Variants in RSF1 observed in about 807,000 individuals in gnomAD.
The protein encoded by RSF1 is HBV pX-associated protein 8.
RSF1 carries 13 observed loss-of-function variants against 145.2 expected under a neutral mutation model. The observed-to-expected ratio is 0.09, with a 90% CI of 0.06 to 0.14. The LOEUF is 0.14. Among genes scored for constraint, RSF1 ranks in the 10% least tolerant of loss-of-function variants. The pLI is 1.00. For missense variants in RSF1, 1,517 were observed against 1,718.2 expected, an observed-to-expected ratio of 0.88 and a Z score of 2.07; for synonymous variants, 577 against 592.6, an observed-to-expected ratio of 0.97 and a Z score of 0.38.
Position 77,685,104 on chromosome 11 carries a change from C to A in RSF1, c.2955+1G>T. ...AAAAACATTACAAATCAGAAACTTA[C>A]TTGTGGAGGAATGATGTTTTCAATA... On this transcript the variant is annotated splice_donor_variant, in intron 10 of 15. Coordinates refer to ENST00000308488, the MANE Select transcript of RSF1 (RefSeq NM_016578.4). LOFTEE classifies it high-confidence loss of function. The A allele has an allele frequency of 6.5e-7, 1 of 1,528,026 alleles. No individual in the cohort carries two copies. Among genetic ancestry groups the A allele is most frequent in the Admixed American group, 1.9e-5 (1 of 51,460 alleles). The allele number at this position is 1,528,026 out of a possible 1,614,324, so 94.7% of individuals were successfully genotyped here. A position where few individuals can be genotyped will look rare whatever the true frequency, so the allele number is the denominator to read the frequency against.
chr11:77,743,049 C>T (rs1947958601), intron 3 of RSF1, among the ~76,000 whole-genome samples: 2 of 152,088 alleles, frequency 1.3e-5, no homozygotes, highest in African/African-American at 2.4e-5. Flanking sequence ...AGCAACTGAC[C>T]ATCAATACAT....
At chr11:77,708,754 C>T (rs536089105) in intron 5 of RSF1, among the ~76,000 whole-genome samples, 1 of 152,312 alleles carries the variant, frequency 6.6e-6, no homozygotes, top group East Asian at 1.9e-4. Context: ...TGTCTCTCTC[C>T]CCCCTTTCAG....
chr11:77,808,626 C>T lies in RSF1; in HGVS notation c.187+11902G>A, dbSNP rs957089241. On this transcript the variant is annotated intron_variant, in intron 1 of 15. Coordinates refer to ENST00000308488, the MANE Select transcript of RSF1 (RefSeq NM_016578.4). ...TCGGCTCACTGCAAGCTCCGCCTCC[C>T]GGGTTCACGCCATTCTCCTGCCTCA... 6.4e-3 allele frequency among the ~76,000 whole-genome samples: 673 copies of T among 104,482 alleles called. 93 individuals are homozygous for T. Among genetic ancestry groups the T allele is most frequent in the African/African-American group, 0.029 (627 of 21,664 alleles). 68.5% of individuals were successfully genotyped at this position (104,482 alleles called of 152,430 possible).
chr11:77,739,002 ACTC>A (rs905331551), intron 4 of RSF1: 1 of 144,944 alleles, frequency 6.9e-6, no homozygotes, highest in Non-Finnish European at 1.5e-5. Context: ...TTTATCTTGA[ACTC>A]CTCTCATAAA....
At chr11:77,839,121 A>G in the RSF1 span, among the ~76,000 whole-genome samples, 4 of 152,250 alleles carry the variant, frequency 2.6e-5, no homozygotes, top group African/African-American at 9.6e-5. Context: ...AATTACTCAG[A>G]TACAGTTTCT....
chr11:77,781,625 G>A (rs1300576902), intron 1 of RSF1, among the ~76,000 whole-genome samples: 2 of 152,170 alleles, frequency 1.3e-5, no homozygotes, highest in Admixed American at 6.5e-5. Context: ...AAAAACACTT[G>A]AGGTGTCAGT....
chr11:77,783,540 C>A (rs1040887426), intron 1 of RSF1, among the ~76,000 whole-genome samples: 1 of 152,078 alleles, frequency 6.6e-6, no homozygotes, highest in Non-Finnish European at 1.5e-5. Flanking sequence ...TCATTTAGTA[C>A]TTTTGTAACA....
At chr11:77,789,316 T>C (rs1948492618) in intron 1 of RSF1, among the ~76,000 whole-genome samples, 2 of 152,310 alleles carry the variant, frequency 1.3e-5, no homozygotes, top group East Asian at 3.9e-4. Flanking sequence ...GAGCTTGTCC[T>C]GGGTTCCACA....
chr11:77,866,890 G>T, the RSF1 span, among the ~76,000 whole-genome samples: 1 of 151,832 alleles, frequency 6.6e-6, no homozygotes, highest in East Asian at 1.9e-4. Flanking sequence ...GCCCAGGCTG[G>T]AGTGTAGTGG....
chr11:77,757,269 T>C (rs972160781), intron 2 of RSF1, among the ~76,000 whole-genome samples: 2 of 152,170 alleles, frequency 1.3e-5, no homozygotes, highest in Non-Finnish European at 2.9e-5. Context: ...ATAAAGGTTT[T>C]TGGGATTGGC....
At chr11:77,771,831 A>G (rs1948288606) in intron 1 of RSF1, among the ~76,000 whole-genome samples, 1 of 152,224 alleles carries the variant, frequency 6.6e-6, no homozygotes, top group South Asian at 2.1e-4. Context: ...AGAGGGTATA[A>G]ATATGACTAT....
rs545924910 is a variant in RSF1 at position 77,663,435 on chromosome 11, C to T, written c.*3482G>A. The T allele has an allele frequency of 1.5e-4, 23 of 152,216 alleles. No homozygotes were observed. The highest frequency in any genetic ancestry group is 1.4e-3 in the Admixed American group (22 of 15,280). The allele number at this position is 152,216 out of a possible 1,614,324, so 9.4% of individuals were successfully genotyped here. A position where few individuals can be genotyped will look rare whatever the true frequency, so the allele number is the denominator to read the frequency against. On this transcript the variant is annotated 3_prime_UTR_variant, in exon 16 of 16. Transcript: ENST00000308488. ...GTAAAAACTGGGTACGTGTAACACCCTTTTAAAATTAATTTGTTTAAAAAT... is the reference window on the plus strand; with the variant it reads ...GTAAAAACTGGGTACGTGTAACACCTTTTTAAAATTAATTTGTTTAAAAAT...
At chr11:77,677,859 T>C (rs1959749567) in intron 12 of RSF1, among the ~76,000 whole-genome samples, 1 of 152,254 alleles carries the variant, frequency 6.6e-6, no homozygotes, top group South Asian at 2.1e-4. Context: ...CAATGTTTTA[T>C]ATCAGCTTGT....
intron 1 of RSF1, among the ~76,000 whole-genome samples, chr11:77,789,070 G>C (rs1565181292): frequency 6.6e-6 from 1 of 152,038 alleles, no homozygotes; most frequent in Non-Finnish European, 1.5e-5. Context: ...AAAATGACAG[G>C]AAACATCTAC....
intron 11 of RSF1, among the ~76,000 whole-genome samples, chr11:77,680,130 A>G (rs968404591): frequency 1.1e-4 from 16 of 152,154 alleles, no homozygotes; most frequent in Admixed American, 4.6e-4. Flanking sequence ...CGGGCACACA[A>G]TGGATTAACA....
In RSF1 at chr11:77,665,980, T is replaced by C. The variant is rs945034460; in HGVS notation, c.*937A>G. ...TCTCTTCATGTATGTTATATATAGA[T>C]GTATTTTTTTCAAAATGATATTTCA... is the stretch of plus-strand genomic sequence containing the variant. On this transcript the variant is annotated 3_prime_UTR_variant, in exon 16 of 16. Coordinates refer to ENST00000308488, the MANE Select transcript of RSF1 (RefSeq NM_016578.4). 1.3e-5 allele frequency: 2 copies of C among 152,232 alleles called. No homozygotes were observed. The highest frequency in any genetic ancestry group is 2.9e-5 in the Non-Finnish European group (2 of 68,042). The allele number at this position is 152,232 out of a possible 1,614,324, so 9.4% of individuals were successfully genotyped here.
the RSF1 span, chr11:77,840,944 G>C: frequency 1.3e-5 from 6 of 461,338 alleles, no homozygotes; most frequent in South Asian, 8.4e-5. Flanking sequence ...CTTAATCCAT[G>C]TTGTGCTCCT....
chr11:77,672,291 G>T, intron 14 of RSF1, 61 bp from the exon 15 acceptor site: 1 of 1,366,416 alleles, frequency 7.3e-7, no homozygotes, highest in Non-Finnish European at 9.9e-7. Flanking sequence ...ATGTAGCTTA[G>T]GTTATAAAAA....
intron 2 of RSF1, among the ~76,000 whole-genome samples, chr11:77,749,277 T>C (rs57213033): frequency 0.02 from 3,096 of 152,212 alleles, 93 homozygotes; most frequent in African/African-American, 0.07. Flanking sequence ...AAACACTAAA[T>C]TGTTTAAACG....
Sources: gnomAD v4.1 joint callset for allele counts (sites outside exome capture counted in the v4.1 genomes callset) on GRCh38, gnomAD v4.1.1 for gene constraint, MANE v1.5 for transcripts, NCBI Gene and HGNC (gene_info 2026-07-23, HGNC 2026-07-21) for gene names.